WNT11: variants seen among roughly 807,000 people sequenced by gnomAD.
The protein encoded by WNT11 is Wnt family member 11.
In WNT11, 20 loss-of-function variants were observed where a neutral mutation model predicts 35.6. The observed-to-expected ratio is 0.56, with a 90% confidence interval of 0.40 to 0.82. The LOEUF is 0.82. Among genes scored for constraint, WNT11 ranks in the 40% least tolerant of loss-of-function variants. The pLI is 0.00. For synonymous variants in WNT11, 200 were observed against 211.9 expected, an observed-to-expected ratio of 0.94 and a Z score of 0.49; for missense variants, 459 against 504.4, an observed-to-expected ratio of 0.91 and a Z score of 0.86.
intron 1 of WNT11, among the ~76,000 whole-genome samples, chr11:76,199,927 T>G (rs1953348863): frequency 6.6e-6 from 1 of 152,218 alleles, no homozygotes; most frequent in Non-Finnish European, 1.5e-5. Flanking sequence ...TGTGCAAACT[T>G]GGGCAAACTA....
Position 76,194,502 on chromosome 11 carries a change from G to A in WNT11, c.597+65C>T. ...CACCCCCCACCACTGGGGCAAGCTGGGTGGCCCTTTTCTGGCCAATGGCAC... is the reference window on the plus strand; with the variant it reads ...CACCCCCCACCACTGGGGCAAGCTGAGTGGCCCTTTTCTGGCCAATGGCAC... On this transcript the variant is annotated intron_variant, in intron 3 of 4. Transcript: ENST00000322563. This position sits in a 1 kb window ranked among gnomAD's most constrained non-coding sequence, Gnocchi z 5.4. The A allele has an allele frequency of 1.3e-6, 2 of 1,495,394 alleles. No individual in the cohort carries two copies. 92.6% of individuals were successfully genotyped at this position (1,495,394 alleles called of 1,614,324 possible).
intron 4 of WNT11, among the ~76,000 whole-genome samples, chr11:76,188,402 C>G (rs1044336330): frequency 4.6e-5 from 7 of 152,366 alleles, no homozygotes; most frequent in Non-Finnish European, 1.0e-4. Context: ...ATGTGGGATG[C>G]GAAGACATTG....
intron 1 of WNT11, among the ~76,000 whole-genome samples, chr11:76,198,555 C>T (rs866524919): frequency 8.3e-4 from 127 of 152,128 alleles, no homozygotes; most frequent in African/African-American, 2.9e-3. Context: ...GAATGCCTTT[C>T]CCCCTGCTTC....
In WNT11 at chr11:76,186,776, C is replaced by A; in HGVS notation, c.*289G>T. The A allele has an allele frequency of 1.9e-6, 1 of 530,404 alleles. No individual in the cohort carries two copies. Among genetic ancestry groups the A allele is most frequent in the Non-Finnish European group, 3.6e-6 (1 of 276,004 alleles). 32.9% of individuals were successfully genotyped at this position (530,404 alleles called of 1,614,324 possible). ...AAGGTCAAGTCTGTATCAGTCTCACCGATCCCAAGCCCCGCTCCTTACACC... is the reference window on the plus strand; with the variant it reads ...AAGGTCAAGTCTGTATCAGTCTCACAGATCCCAAGCCCCGCTCCTTACACC... On this transcript the variant is annotated 3_prime_UTR_variant, in exon 5 of 5. Transcript: ENST00000322563.
intron 2 of WNT11, among the ~76,000 whole-genome samples, chr11:76,196,062 A>G (rs555954313): frequency 1.3e-5 from 2 of 152,314 alleles, no homozygotes; most frequent in East Asian, 3.9e-4. Context: ...AGTCTGGTTC[A>G]GTGTTACCTG....
upstream of WNT11, among the ~76,000 whole-genome samples, chr11:76,207,875 C>G (rs1218443741): frequency 6.6e-6 from 1 of 152,238 alleles, no homozygotes; most frequent in African/African-American, 2.4e-5. Flanking sequence ...TTCCCAGCTT[C>G]TCCCAAATTT....
chr11:76,190,449 G>C (rs1218941096), intron 4 of WNT11, among the ~76,000 whole-genome samples: 2 of 152,036 alleles, frequency 1.3e-5, no homozygotes, highest in Non-Finnish European at 2.9e-5. Flanking sequence ...CCAGATGGGA[G>C]CCTGGGCCTC....
intron 4 of WNT11, among the ~76,000 whole-genome samples, 167 bp from the exon 5 acceptor site, chr11:76,187,406 A>C (rs1457073012): frequency 1.3e-5 from 2 of 152,212 alleles, no homozygotes; most frequent in African/African-American, 4.8e-5. Context: ...TCTTACCTAA[A>C]GGTACTTCTA....
At chr11:76,205,176 T>G (rs1953452150) in intron 1 of WNT11, among the ~76,000 whole-genome samples, 1 of 152,160 alleles carries the variant, frequency 6.6e-6, no homozygotes, top group Non-Finnish European at 1.5e-5. Context: ...AATCAATAAC[T>G]TGGCCTGAGA....
upstream of WNT11, among the ~76,000 whole-genome samples, chr11:76,207,369 AACAG>A (rs755020062): frequency 2.0e-5 from 3 of 152,172 alleles, no homozygotes; most frequent in African/African-American, 4.8e-5. Context: ...GTCTCAAACA[AACAG>A]ACAAACAAAA....
Position 76,186,720 on chromosome 11 carries a change from C to T in WNT11, c.*345G>A. ...ACATTCTGAAGAAGGCGGGCAGACCCCTTCCCGGAGGCTGGTCTCTGTGGC... is the reference window on the plus strand; with the variant it reads ...ACATTCTGAAGAAGGCGGGCAGACCTCTTCCCGGAGGCTGGTCTCTGTGGC... On this transcript the variant is annotated 3_prime_UTR_variant, in exon 5 of 5. Coordinates refer to ENST00000322563, the MANE Select transcript of WNT11 (RefSeq NM_004626.3). 1 of 405,046 alleles carries T rather than the reference C, an allele frequency of 2.5e-6. No homozygotes were observed. The highest frequency in any genetic ancestry group is 1.9e-5 in the South Asian group (1 of 51,686). 25.1% of individuals were successfully genotyped at this position (405,046 alleles called of 1,614,324 possible). A position where few individuals can be genotyped will look rare whatever the true frequency, so the allele number is the denominator to read the frequency against.
chr11:76,196,228 G>A (rs1953283451), intron 2 of WNT11, among the ~76,000 whole-genome samples: 1 of 152,198 alleles, frequency 6.6e-6, no homozygotes, highest in African/African-American at 2.4e-5. Flanking sequence ...TACATGTGCT[G>A]TCCAGGCTCC....
chr11:76,202,100 A>G (rs930954673), intron 1 of WNT11, among the ~76,000 whole-genome samples: 9 of 152,156 alleles, frequency 5.9e-5, no homozygotes, highest in African/African-American at 2.2e-4. Context: ...GCTGAGTGGT[A>G]TTGCCAGACC....
At chr11:76,189,770 G>C (rs1373793238) in intron 4 of WNT11, among the ~76,000 whole-genome samples, 1 of 152,188 alleles carries the variant, frequency 6.6e-6, no homozygotes, top group Non-Finnish European at 1.5e-5. Flanking sequence ...GCACCTGCCA[G>C]AGCCAGGCAG....
At chr11:76,191,932 A>C (rs1226979826) in intron 3 of WNT11, 76 bp from the exon 4 acceptor site, 3 of 1,487,748 alleles carry the variant, frequency 2.0e-6, no homozygotes, top group Non-Finnish European at 2.7e-6. Flanking sequence ...AGCCCCACCC[A>C]CCCATGGCTG....
In WNT11 at chr11:76,206,363, C is replaced by T; in HGVS notation, c.45G>A (p.Leu15=). The change falls in exon 1 of 5, where the codon CTG becomes CTA. Residue 15 remains leucine, a synonymous_variant. Coordinates refer to ENST00000322563, the MANE Select transcript of WNT11 (RefSeq NM_004626.3). ...CATAGCACACGCCGGTCTGGAGCGC[C>T]AGGGCGAAGAGCAGCGCCTCGCAGA... ...PQVCEALLFA[L]ALQTGVCYGI... 1 of 1,570,870 alleles carries T rather than the reference C, an allele frequency of 6.4e-7. No homozygotes were observed.
intron 1 of WNT11, 118 bp downstream of exon 1, chr11:76,206,207 C>A (rs1176368560): frequency 5.2e-6 from 5 of 959,314 alleles, no homozygotes; most frequent in Non-Finnish European, 5.6e-6. Context: ...TGCCCACGAC[C>A]GCCAAGCCAG....
At chr11:76,205,570 G>A (rs1388814933) in intron 1 of WNT11, among the ~76,000 whole-genome samples, 3 of 152,182 alleles carry the variant, frequency 2.0e-5, no homozygotes, top group Non-Finnish European at 2.9e-5. Context: ...TTGGACACTT[G>A]TGGAGTTATT....
chr11:76,186,791 C>T lies in WNT11; in HGVS notation c.*274G>A. On this transcript the variant is annotated 3_prime_UTR_variant, in exon 5 of 5. Transcript: ENST00000322563. ...TCAGTCTCACCGATCCCAAGCCCCG[C>T]TCCTTACACCAGCCTGTGGGCACTC... 1.8e-6 allele frequency: 1 copy of T among 570,368 alleles called. No individual in the cohort carries two copies. The highest frequency in any genetic ancestry group is 1.5e-5 in the South Asian group (1 of 65,284). The allele number at this position is 570,368 out of a possible 1,614,324, so 35.3% of individuals were successfully genotyped here.
Sources: gnomAD v4.1 joint callset for allele counts (sites outside exome capture counted in the v4.1 genomes callset) on GRCh38, gnomAD v4.1.1 for gene constraint, Gnocchi (gnomAD v3.1) non-coding constraint, MANE v1.5 for transcripts, NCBI Gene and HGNC (gene_info 2026-07-23, HGNC 2026-07-21) for gene names.